TMEM243: variants seen among roughly 807,000 people sequenced by gnomAD.
TMEM243 encodes the protein transmembrane protein 243, also known as MDR1 and mitochondrial taxol resistance associated.
In TMEM243, 20 loss-of-function variants were observed where a neutral mutation model predicts 15.0. That is an observed-to-expected ratio of 1.33 (90% CI 0.94 to 1.93). The LOEUF is 1.93. Among genes scored for constraint, TMEM243 ranks in the 30% most tolerant of loss-of-function variants. TMEM243 has a pLI of 0.00. For synonymous variants in TMEM243, 72 were observed against 52.7 expected, an observed-to-expected ratio of 1.37 and a Z score of -1.59; for missense variants, 156 against 142.1, an observed-to-expected ratio of 1.10 and a Z score of -0.50.
At chr7:87,200,029 T>C (rs1190447371) in intron 1 of TMEM243, among the ~76,000 whole-genome samples, 1 of 152,048 alleles carries the variant, frequency 6.6e-6, no homozygotes, top group Non-Finnish European at 1.5e-5. Flanking sequence ...ACCTCAGAGA[T>C]GGGAAGGACA....
At chr7:87,210,752 C>A (rs1034489920) in intron 1 of TMEM243, among the ~76,000 whole-genome samples, 2 of 152,222 alleles carry the variant, frequency 1.3e-5, no homozygotes, top group Non-Finnish European at 2.9e-5. Context: ...CACAGGCTGG[C>A]GCTGAGTGTC....
At chr7:87,217,929 G>A (rs995256055) in intron 1 of TMEM243, among the ~76,000 whole-genome samples, 2 of 152,232 alleles carry the variant, frequency 1.3e-5, no homozygotes, top group Admixed American at 6.5e-5. Flanking sequence ...ATTACACCAA[G>A]TCATCTACCT....
intron 1 of TMEM243, among the ~76,000 whole-genome samples, chr7:87,216,188 G>A (rs1487631686): frequency 6.7e-6 from 1 of 149,958 alleles, no homozygotes; most frequent in East Asian, 2.0e-4. Context: ...GCAGGAGAAT[G>A]GCATGAACCT....
chr7:87,209,730 GAC>G lies in TMEM243; in HGVS notation c.78+9694_78+9695del, dbSNP rs552390173. Among the ~76,000 whole-genome samples the G allele has an allele frequency of 2.6e-4, 38 of 143,784 alleles. 1 individual carries two copies. The highest frequency in any genetic ancestry group is 8.1e-4 in the East Asian group (4 of 4,936). 94.3% of individuals were successfully genotyped at this position (143,784 alleles called of 152,430 possible). A position where few individuals can be genotyped will look rare whatever the true frequency, so the allele number is the denominator to read the frequency against. Reference sequence around the variant, plus strand: ...TGAGAGCGAGACACAGTGAGAGCGAGACACAGTGAGAGCGAGACACAGAGCGA... The same window carrying G: ...TGAGAGCGAGACACAGTGAGAGCGAGACAGTGAGAGCGAGACACAGAGCGA... On this transcript the variant is annotated intron_variant, in intron 1 of 3. Coordinates refer to ENST00000257637, the MANE Select transcript of TMEM243 (RefSeq NM_024315.4).
chr7:87,214,662 T>G (rs1802982875), intron 1 of TMEM243, among the ~76,000 whole-genome samples: 1 of 152,104 alleles, frequency 6.6e-6, no homozygotes, highest in African/African-American at 2.4e-5. Context: ...CAAAGAAAAA[T>G]GTTTCACAAA....
intron 1 of TMEM243, among the ~76,000 whole-genome samples, chr7:87,209,868 A>G (rs1165493818): frequency 1.5e-5 from 2 of 130,228 alleles, no homozygotes; most frequent in Non-Finnish European, 3.3e-5. Flanking sequence ...GAGAGAGAGC[A>G]AGAGACAGTG....
chr7:87,217,769 C>T (rs537658209), intron 1 of TMEM243, among the ~76,000 whole-genome samples: 11 of 152,250 alleles, frequency 7.2e-5, no homozygotes, highest in South Asian at 6.2e-4. Context: ...TAAGTAAGTA[C>T]GCAATAAAAG....
chr7:87,206,403 C>T (rs1299588872), intron 1 of TMEM243, among the ~76,000 whole-genome samples: 1 of 152,210 alleles, frequency 6.6e-6, no homozygotes, highest in African/African-American at 2.4e-5. Flanking sequence ...TTGCTTGTGT[C>T]CCACACTGGC....
intron 1 of TMEM243, chr7:87,199,309 A>AGT (rs1448980414): frequency 4.9e-6 from 2 of 404,156 alleles, no homozygotes; most frequent in African/African-American, 4.2e-5. Flanking sequence ...TTGATTGGGT[A>AGT]GTATCAAATG....
At chr7:87,218,088 T>C (rs1486564218) in intron 1 of TMEM243, among the ~76,000 whole-genome samples, 46 of 152,384 alleles carry the variant, frequency 3.0e-4, no homozygotes, top group Admixed American at 3.0e-3. Flanking sequence ...CCAGTTCTTG[T>C]CTGTACCCTA....
intron 1 of TMEM243, among the ~76,000 whole-genome samples, chr7:87,204,385 G>A (rs564847774): frequency 6.6e-6 from 1 of 152,286 alleles, no homozygotes; most frequent in East Asian, 1.9e-4. Context: ...GTCCCCCAAA[G>A]TCTTAACTCA....
At chr7:87,216,273 CAAAAA>C (rs3057445) in intron 1 of TMEM243, among the ~76,000 whole-genome samples, 14 of 83,868 alleles carry the variant, frequency 1.7e-4, no homozygotes, top group African/African-American at 5.4e-4. Flanking sequence ...GACTCCGTCT[CAAAAA>C]AAAAAAAAAA....
chr7:87,210,127 ATCTGATG>A (rs1283771342), intron 1 of TMEM243, among the ~76,000 whole-genome samples: 2 of 151,966 alleles, frequency 1.3e-5, no homozygotes, highest in African/African-American at 2.4e-5. Flanking sequence ...CATTTAAACC[ATCTGATG>A]TCATGAGAAC....
rs1263083220 is a variant in TMEM243 at position 87,196,571 on chromosome 7, A to C, written c.*65T>G. On this transcript the variant is annotated 3_prime_UTR_variant, in exon 4 of 4. Coordinates refer to ENST00000257637, the MANE Select transcript of TMEM243 (RefSeq NM_024315.4). ...GAGATTCTTCAGCATACCTTATCCA[A>C]AAATTACTCACTGTCCTAATGTATC... 1.3e-6 allele frequency: 2 copies of C among 1,526,068 alleles called. No individual in the cohort carries two copies. Among genetic ancestry groups the C allele is most frequent in the African/African-American group, 2.9e-5 (2 of 69,732 alleles). The allele number at this position is 1,526,068 out of a possible 1,614,324, so 94.5% of individuals were successfully genotyped here.
intron 1 of TMEM243, among the ~76,000 whole-genome samples, chr7:87,206,959 C>A: frequency 6.6e-6 from 1 of 152,238 alleles, no homozygotes; most frequent in East Asian, 1.9e-4. Flanking sequence ...CATAATGTGC[C>A]TCACTGCTGC....
At chr7:87,201,808 T>TA (rs1022853113) in intron 1 of TMEM243, among the ~76,000 whole-genome samples, 7 of 152,234 alleles carry the variant, frequency 4.6e-5, no homozygotes, top group African/African-American at 1.7e-4. Flanking sequence ...ATTTTCACTC[T>TA]AGTTCTACCT....
chr7:87,213,727 C>T (rs1349596400), intron 1 of TMEM243, among the ~76,000 whole-genome samples: 1 of 152,036 alleles, frequency 6.6e-6, no homozygotes, highest in Non-Finnish European at 1.5e-5. Context: ...GTTTGAATTG[C>T]TTGACTAACA....
intron 2 of TMEM243, 83 bp downstream of exon 2, chr7:87,198,923 CT>C: frequency 1.6e-6 from 2 of 1,257,294 alleles, no homozygotes; most frequent in Non-Finnish European, 2.2e-6. Context: ...ACTTATTTAG[CT>C]TTTTTTGGAA....
chr7:87,204,837 A>G (rs749691761), intron 1 of TMEM243, among the ~76,000 whole-genome samples: 1 of 152,204 alleles, frequency 6.6e-6, no homozygotes, highest in East Asian at 1.9e-4. Flanking sequence ...CCACTAGGCA[A>G]TGCCCCATGG....
Sources: allele counts gnomAD v4.1 joint callset (sites outside exome capture counted in the v4.1 genomes callset), GRCh38; gene constraint gnomAD v4.1.1; transcripts MANE v1.5; gene names NCBI Gene and HGNC (gene_info 2026-07-23, HGNC 2026-07-21).